FGD4: variants seen among roughly 807,000 people sequenced by gnomAD.
FGD4 encodes FYVE, RhoGEF and PH domain containing 4, also known as FYVE, RhoGEF and PH domain-containing protein 4.
A neutral mutation model predicts 102.0 loss-of-function variants in FGD4; 42 were observed. That is an observed-to-expected ratio of 0.41 (90% CI 0.32 to 0.53). The LOEUF is 0.53. Among genes scored for constraint, FGD4 ranks in the 20% least tolerant of loss-of-function variants. FGD4 has a pLI of 0.21. For missense variants in FGD4, 902 were observed against 1,078.2 expected (o/e 0.84, Z 2.29); for synonymous variants, 380 against 375.7 (o/e 1.01, Z -0.13).
chr12:32,471,515 T>A (rs1214815391), intron 1 of FGD4, among the ~76,000 whole-genome samples: 1 of 152,208 alleles, frequency 6.6e-6, no homozygotes, highest in East Asian at 1.9e-4. Flanking sequence ...AAGAAAAGGT[T>A]TATTCCACAT....
chr12:32,552,379 C>T (rs1398155668), intron 1 of FGD4, among the ~76,000 whole-genome samples: 2 of 151,886 alleles, frequency 1.3e-5, no homozygotes, highest in African/African-American at 4.8e-5. Context: ...CCTGCTTCAG[C>T]CTCCTGAGTA....
intron 1 of FGD4, among the ~76,000 whole-genome samples, chr12:32,418,235 C>T (rs1269063732): frequency 3.9e-5 from 6 of 152,062 alleles, no homozygotes; most frequent in South Asian, 2.1e-4. Context: ...GGATTACAGG[C>T]GTGAGCCACC....
intron 5 of FGD4, among the ~76,000 whole-genome samples, chr12:32,599,958 A>C (rs765978805): frequency 6.6e-6 from 1 of 152,202 alleles, no homozygotes; most frequent in Admixed American, 6.5e-5. Context: ...GTTACTTATA[A>C]GAATTGTCCC....
chr12:32,640,218 GAC>G (rs1951087526), intron 16 of FGD4, 56 bp from the exon 17 acceptor site: 1 of 1,613,308 alleles, frequency 6.2e-7, no homozygotes, highest in East Asian at 2.2e-5. Flanking sequence ...AGGAGCAAGG[GAC>G]ACACTTAACA....
chr12:32,404,490 C>T (rs1940839286), intron 1 of FGD4, among the ~76,000 whole-genome samples: 3 of 152,036 alleles, frequency 2.0e-5, no homozygotes, highest in East Asian at 1.9e-4. Context: ...GGTATTATTA[C>T]AATTTTAGGG....
At chr12:32,573,985 A>G (rs57491311) in intron 2 of FGD4, among the ~76,000 whole-genome samples, 2,826 of 152,280 alleles carry the variant, frequency 0.019, 104 homozygotes, top group African/African-American at 0.065. Flanking sequence ...TATATTTACT[A>G]TTTTACTGCA....
intron 16 of FGD4, 86 bp from the exon 17 acceptor site, chr12:32,640,184 CAGTGGT>C (rs1395077292): frequency 3.8e-6 from 6 of 1,593,550 alleles, no homozygotes; most frequent in African/African-American, 1.3e-5. Context: ...CTGTTTGGGA[CAGTGGT>C]AGGAAGAGAG....
At chr12:32,460,069 A>C (rs1422339609) in intron 1 of FGD4, among the ~76,000 whole-genome samples, 1 of 152,208 alleles carries the variant, frequency 6.6e-6, no homozygotes, top group Non-Finnish European at 1.5e-5. Context: ...CAGAAGTATC[A>C]CAGAGATTCT....
intron 1 of FGD4, among the ~76,000 whole-genome samples, chr12:32,490,393 A>T (rs933814603): frequency 1.6e-4 from 23 of 140,154 alleles, no homozygotes; most frequent in African/African-American, 5.9e-4. Context: ...AGAGATTTTT[A>T]TCAGTCTTTT....
rs1276989118 is a variant in FGD4 at position 32,638,712 on chromosome 12, G to C, written c.2371G>C (p.Glu791Gln). ...GGTGTGCAGCTTTCTTCAGTATATG[G>C]AGAAGTCAAAACCTTGGCAGAAAGC... Reference protein sequence around the residue: ...SVVCSFLQYMEKSKPWQKAWC... With the variant: ...SVVCSFLQYMQKSKPWQKAWC... The change falls in exon 16 of 17, where the codon GAG (glutamate) becomes CAG (glutamine). Residue 791 changes from glutamate to glutamine, a missense_variant. By Grantham distance (29) the Glu-to-Gln change is conservative (BLOSUM62 2). Around this residue, in one of 2 missense-constraint regions of FGD4, gnomAD observed 459 missense variants for 619.0 expected, o/e 0.74. Transcript: ENST00000534526. 1.2e-6 allele frequency: 2 copies of C among 1,614,138 alleles called. No homozygotes were observed. Among genetic ancestry groups the C allele is most frequent in the Non-Finnish European group, 1.7e-6 (2 of 1,180,016 alleles).
chr12:32,606,980 C>A (rs1341026502), intron 7 of FGD4, among the ~76,000 whole-genome samples: 1 of 152,120 alleles, frequency 6.6e-6, no homozygotes, highest in Non-Finnish European at 1.5e-5. Context: ...TTTTTAAGTT[C>A]AAAGGCAATG....
chr12:32,433,404 A>G (rs1260920676), intron 1 of FGD4, among the ~76,000 whole-genome samples: 1 of 151,876 alleles, frequency 6.6e-6, no homozygotes, highest in Non-Finnish European at 1.5e-5. Flanking sequence ...GCTGGAGTTC[A>G]GTGGCTCAGT....
At chr12:32,625,318 G>A (rs1361969382) in intron 13 of FGD4, among the ~76,000 whole-genome samples, 1 of 141,930 alleles carries the variant, frequency 7.0e-6, no homozygotes, top group African/African-American at 2.7e-5. Flanking sequence ...CACCCAAGCT[G>A]GAGTGCAGTG....
chr12:32,422,706 A>C (rs1591869992), intron 1 of FGD4, among the ~76,000 whole-genome samples: 1 of 152,314 alleles, frequency 6.6e-6, no homozygotes, highest in East Asian at 1.9e-4. Flanking sequence ...ATAACTGAGA[A>C]AATACACTAA....
intron 5 of FGD4, 118 bp downstream of exon 5, chr12:32,598,704 G>T (rs572039466): frequency 1.2e-6 from 1 of 802,102 alleles, no homozygotes; most frequent in Non-Finnish European, 2.1e-6. Flanking sequence ...CTAGTGAAAG[G>T]TACTTGCTCA....
intron 1 of FGD4, among the ~76,000 whole-genome samples, chr12:32,480,790 C>A (rs1037566672): frequency 6.7e-6 from 1 of 149,338 alleles, no homozygotes; most frequent in Non-Finnish European, 1.5e-5. Flanking sequence ...TGAGCCACCA[C>A]GCCCGGCCTT....
At chr12:32,420,856 T>G (rs971858274) in intron 1 of FGD4, among the ~76,000 whole-genome samples, 21 of 152,142 alleles carry the variant, frequency 1.4e-4, no homozygotes, top group Non-Finnish European at 2.6e-4. Flanking sequence ...CCCAAACTAG[T>G]TGGTACATTT....
intron 1 of FGD4, among the ~76,000 whole-genome samples, chr12:32,418,678 T>C (rs1941515470): frequency 6.6e-6 from 1 of 152,130 alleles, no homozygotes; most frequent in Non-Finnish European, 1.5e-5. Flanking sequence ...AGGATAGCAC[T>C]CGATCTTGCC....
At chr12:32,521,681 T>A (rs1489500085) in intron 1 of FGD4, among the ~76,000 whole-genome samples, 1 of 152,240 alleles carries the variant, frequency 6.6e-6, no homozygotes, top group East Asian at 1.9e-4. Context: ...GCATTTACTT[T>A]AAAAAATATT....
Sources: gnomAD v4.1 joint callset for allele counts (sites outside exome capture counted in the v4.1 genomes callset) on GRCh38, gnomAD v4.1.1 for gene constraint, gnomAD v4.1.1 regional missense constraint, MANE v1.5 for transcripts, NCBI Gene and HGNC (gene_info 2026-07-23, HGNC 2026-07-21) for gene names.